The following KIFAP3 variants were observed in gnomAD, a reference collection of about 807,000 sequenced individuals.
The protein encoded by KIFAP3 is kinesin associated protein 3.
In KIFAP3, 68 loss-of-function variants were observed where a neutral mutation model predicts 106.5. That is an observed-to-expected ratio of 0.64 (90% CI 0.53 to 0.78). The LOEUF is 0.78. KIFAP3 is among the 30% of genes least tolerant of loss of function. The pLI is 0.00. For synonymous variants in KIFAP3, 320 were observed against 311.5 expected (o/e 1.03, Z -0.29); for missense variants, 780 against 941.8 (o/e 0.83, Z 2.25).
rs529794252 is a variant in KIFAP3, at chr1:169,987,449, A to G, written c.1285-2759T>C. Among the ~76,000 whole-genome samples, 54 of 152,126 alleles carry G rather than the reference A, an allele frequency of 3.5e-4. No homozygotes were observed. The South Asian group carries it at 0.011, about 30-fold the overall frequency. ...AACCCCCACAGCTCTCTGTATTCACATATAACTCTACCACCCCCATCCCCT... is the reference window on the plus strand; with the variant it reads ...AACCCCCACAGCTCTCTGTATTCACGTATAACTCTACCACCCCCATCCCCT... On this transcript the variant is annotated intron_variant, in intron 11 of 19. Transcript: ENST00000361580.
At chr1:170,059,515 C>T (rs1461415737) in intron 1 of KIFAP3, among the ~76,000 whole-genome samples, 1 of 152,084 alleles carries the variant, frequency 6.6e-6, no homozygotes, top group Non-Finnish European at 1.5e-5. Flanking sequence ...GAAATTGAGG[C>T]AATAATTAAT....
chr1:170,041,749 G>A, intron 3 of KIFAP3: 1 of 1,534,354 alleles, frequency 6.5e-7, no homozygotes, highest in Non-Finnish European at 8.7e-7. Flanking sequence ...GTGTTGCCAA[G>A]GGCAATCGAC....
intron 5 of KIFAP3, among the ~76,000 whole-genome samples, chr1:170,036,000 T>G (rs965026560): frequency 6.6e-6 from 1 of 151,988 alleles, no homozygotes; most frequent in African/African-American, 2.4e-5. Context: ...TAACACTCGT[T>G]CCATTAAAGC....
In KIFAP3 at chr1:170,046,740, C is replaced by G; in HGVS notation, c.291G>C (p.Gln97His). The G allele has an allele frequency of 6.3e-7, 1 of 1,591,216 alleles. No homozygotes were observed. Among genetic ancestry groups the G allele is most frequent in the Non-Finnish European group, 8.6e-7 (1 of 1,168,602 alleles). Residue 97 changes from glutamine (Q) to histidine (H), a missense_variant, in exon 3 of 20, where the codon CAG (glutamine) becomes CAC (histidine). Coordinates refer to ENST00000361580, the MANE Select transcript of KIFAP3 (RefSeq NM_014970.4). ...NEVEQLLYYL[Q>H]NRRDSLSGKE... ...TTCCTGACAATGAATCACGGCGGTT[C>G]TGTAGATAGTACAACAGCTGTTCTA...
chr1:169,994,022 A>T (rs1166147317), intron 10 of KIFAP3, among the ~76,000 whole-genome samples: 6 of 152,248 alleles, frequency 3.9e-5, no homozygotes, highest in African/African-American at 1.4e-4. Context: ...CCCAGATGCA[A>T]GAATAGTACC....
intron 19 of KIFAP3, among the ~76,000 whole-genome samples, chr1:169,933,812 T>C (rs1364923086): frequency 2.0e-5 from 3 of 152,128 alleles, no homozygotes; most frequent in East Asian, 1.9e-4. Context: ...TATGAACTTA[T>C]CAATAACTCC....
chr1:170,067,591 G>A (rs534425108), intron 1 of KIFAP3: 1 of 152,362 alleles, frequency 6.6e-6, no homozygotes, highest in South Asian at 2.1e-4. Context: ...TTCTAGAGGA[G>A]TCAAGTGGAC....
At chr1:169,971,951 G>T (rs771148361) in intron 17 of KIFAP3, among the ~76,000 whole-genome samples, 11 of 151,888 alleles carry the variant, frequency 7.2e-5, no homozygotes, top group Non-Finnish European at 1.3e-4. Flanking sequence ...CAATAAGTCT[G>T]CATGGTTCAC....
intron 17 of KIFAP3, 114 bp from the exon 18 acceptor site, chr1:169,961,349 C>T (rs189855919): frequency 1.5e-6 from 1 of 680,696 alleles, no homozygotes; most frequent in East Asian, 2.6e-5. Flanking sequence ...TCAGAGGAAG[C>T]ACTACAAATA....
chr1:170,061,747 A>G (rs901940919), intron 1 of KIFAP3, among the ~76,000 whole-genome samples: 11 of 152,210 alleles, frequency 7.2e-5, no homozygotes, highest in Admixed American at 6.5e-4. Flanking sequence ...ACAATAGCAA[A>G]GACTTGGAAC....
intron 17 of KIFAP3, 147 bp from the exon 18 acceptor site, chr1:169,961,382 A>T: frequency 1.8e-6 from 1 of 564,642 alleles, no homozygotes; most frequent in Non-Finnish European, 3.1e-6. Context: ...TATTTTATAT[A>T]ATAGCCAACA....
At chr1:170,059,653 C>T (rs562863668) in intron 1 of KIFAP3, among the ~76,000 whole-genome samples, 1 of 152,246 alleles carries the variant, frequency 6.6e-6, no homozygotes, top group African/African-American at 2.4e-5. Context: ...GGAATCCTCC[C>T]TAACTCATTT....
intron 9 of KIFAP3, among the ~76,000 whole-genome samples, chr1:170,019,271 A>T (rs949175843): frequency 6.6e-6 from 1 of 152,134 alleles, no homozygotes; most frequent in African/African-American, 2.4e-5. Flanking sequence ...AATAATACCA[A>T]TTCTACACAA....
rs1668349079 is a variant in KIFAP3, at chr1:170,013,478, C to CATACAT, written c.1183+2983_1183+2984insATGTAT. On this transcript the variant is annotated intron_variant, in intron 10 of 19. Coordinates refer to ENST00000361580, the MANE Select transcript of KIFAP3 (RefSeq NM_014970.4). ...TACTGAAGATGAGAAAACTGACATACATATATATATATATATATAAAATAC... is the reference window on the plus strand; with the variant it reads ...TACTGAAGATGAGAAAACTGACATACATACATATATATATATATATATATAAAATAC... Among the ~76,000 whole-genome samples the CATACAT allele has an allele frequency of 2.1e-5, 3 of 140,558 alleles. No homozygotes were observed. In the Admixed American group the frequency reaches 2.2e-4, roughly 11 times the overall value. The allele number at this position is 140,558 out of a possible 152,430, so 92.2% of individuals were successfully genotyped here.
chr1:170,010,093 T>A (rs1042761743), intron 10 of KIFAP3, among the ~76,000 whole-genome samples: 1 of 152,024 alleles, frequency 6.6e-6, no homozygotes, highest in Non-Finnish European at 1.5e-5. Context: ...CTGAAATGAT[T>A]TATAACTGAT....
At chr1:170,074,789 G>T, upstream of KIFAP3, 2 of 1,203,166 alleles carry the variant, frequency 1.7e-6, no homozygotes, top group Non-Finnish European at 2.1e-6. Flanking sequence ...ACGCACCGGG[G>T]AGCCGAGCAG....
intron 10 of KIFAP3, among the ~76,000 whole-genome samples, chr1:170,005,401 T>C (rs907219847): frequency 6.6e-6 from 1 of 151,998 alleles, no homozygotes; most frequent in Non-Finnish European, 1.5e-5. Context: ...TAAAGACACA[T>C]GCACATGTAT....
chr1:170,074,300 C>G, intron 1 of KIFAP3, 136 bp downstream of exon 1: 1 of 1,051,328 alleles, frequency 9.5e-7, no homozygotes, highest in East Asian at 2.6e-5. Flanking sequence ...TTTTCCCTCT[C>G]CTTTCGGTGA....
intron 2 of KIFAP3, among the ~76,000 whole-genome samples, 176 bp from the exon 3 acceptor site, chr1:170,047,042 T>G (rs1670294959): frequency 6.6e-6 from 1 of 152,212 alleles, no homozygotes; most frequent in African/African-American, 2.4e-5. Flanking sequence ...AGTGATTTTC[T>G]GTGAACTAGA....
Sources: allele counts gnomAD v4.1 joint callset (sites outside exome capture counted in the v4.1 genomes callset), GRCh38; gene constraint gnomAD v4.1.1; transcripts MANE v1.5; gene names NCBI Gene and HGNC (gene_info 2026-07-23, HGNC 2026-07-21).